Variants in MAML2 observed in about 807,000 individuals in gnomAD.
MAML2 encodes mastermind like transcriptional coactivator 2.
Under a neutral mutation model 96.1 loss-of-function variants are expected in MAML2, and 22 were observed. The ratio of observed to expected loss-of-function variants is 0.23; its 90% CI spans 0.16 to 0.33. MAML2 has a LOEUF of 0.33. Ranked by LOEUF, MAML2 falls within the 10% of genes least tolerant of loss-of-function variation. The pLI is 1.00. For missense variants in MAML2, 1,367 were observed against 1,392.4 expected, an observed-to-expected ratio of 0.98 and a Z score of 0.29; for synonymous variants, 561 against 521.3, an observed-to-expected ratio of 1.08 and a Z score of -1.04.
chr11:96,154,372 T>C (rs1860977325), intron 1 of MAML2, among the ~76,000 whole-genome samples: 2 of 152,166 alleles, frequency 1.3e-5, no homozygotes, highest in Non-Finnish European at 2.9e-5. Flanking sequence ...GCACATACAC[T>C]TACTCCAAAT....
At chr11:96,082,928 G>A (rs1390600705) in intron 2 of MAML2, among the ~76,000 whole-genome samples, 1 of 152,154 alleles carries the variant, frequency 6.6e-6, no homozygotes, top group African/African-American at 2.4e-5. Flanking sequence ...GCTCAAAGGG[G>A]TACAAGAGTT....
intron 1 of MAML2, among the ~76,000 whole-genome samples, chr11:96,295,800 C>T (rs911899808): frequency 1.9e-4 from 29 of 150,454 alleles, no homozygotes; most frequent in African/African-American, 6.9e-4. Flanking sequence ...AAGTAGCTTC[C>T]ATATTCATAT....
chr11:96,085,977 G>A (rs1233558301), intron 2 of MAML2, among the ~76,000 whole-genome samples: 1 of 152,132 alleles, frequency 6.6e-6, no homozygotes, highest in Admixed American at 6.5e-5. Context: ...TCTGTGAAAG[G>A]TTAAAAAACA....
intron 1 of MAML2, among the ~76,000 whole-genome samples, chr11:96,183,279 T>C (rs938557383): frequency 6.6e-6 from 1 of 152,056 alleles, no homozygotes; most frequent in Non-Finnish European, 1.5e-5. Context: ...TGTCTATACA[T>C]GTTCTATATT....
chr11:96,051,739 C>T (rs138412509), intron 2 of MAML2, among the ~76,000 whole-genome samples: 5 of 152,306 alleles, frequency 3.3e-5, no homozygotes, highest in African/African-American at 1.2e-4. Context: ...AACAAGCAAC[C>T]ATTCAGGAGG....
chr11:96,036,883 T>G (rs1010731), intron 2 of MAML2, among the ~76,000 whole-genome samples: 14,376 of 152,248 alleles, frequency 0.094, 969 homozygotes, highest in East Asian at 0.26. Flanking sequence ...AAAACACCAG[T>G]GGGTTTTCTC....
intron 2 of MAML2, among the ~76,000 whole-genome samples, chr11:96,064,378 G>A (rs1859213823): frequency 6.6e-6 from 1 of 152,142 alleles, no homozygotes; most frequent in Non-Finnish European, 1.5e-5. Flanking sequence ...TAGACAAGAG[G>A]ACTTCTAATG....
At chr11:96,133,231 T>C (rs1471290714) in intron 1 of MAML2, among the ~76,000 whole-genome samples, 1 of 152,228 alleles carries the variant, frequency 6.6e-6, no homozygotes, top group Non-Finnish European at 1.5e-5. Flanking sequence ...ATTCTATTAA[T>C]ATAAAATAAA....
chr11:96,129,723 T>C (rs1213116783), intron 1 of MAML2, among the ~76,000 whole-genome samples: 1 of 152,160 alleles, frequency 6.6e-6, no homozygotes, highest in Non-Finnish European at 1.5e-5. Flanking sequence ...GATCCCAACA[T>C]CCAGATAGTG....
At chr11:96,137,712 G>GA (rs1307844403) in intron 1 of MAML2, among the ~76,000 whole-genome samples, 3 of 152,308 alleles carry the variant, frequency 2.0e-5, no homozygotes, top group Non-Finnish European at 4.4e-5. Context: ...GGAGACAGAA[G>GA]AAACTGTGGG....
At chr11:96,118,313 C>G (rs2155229) in intron 1 of MAML2, among the ~76,000 whole-genome samples, 110,130 of 152,112 alleles carry the variant, frequency 0.72, 40,137 homozygotes, top group East Asian at 0.98. Flanking sequence ...TTGTAATCCC[C>G]ATGGTGATTG....
At chr11:96,271,450 A>T (rs79406470) in intron 1 of MAML2, among the ~76,000 whole-genome samples, 1 of 152,166 alleles carries the variant, frequency 6.6e-6, no homozygotes, top group Admixed American at 6.5e-5. Flanking sequence ...CCCAAATCTC[A>T]TCTTGAATTG....
At chr11:96,268,760 TCCC>T (rs1491452129) in intron 1 of MAML2, among the ~76,000 whole-genome samples, 3 of 146,146 alleles carry the variant, frequency 2.1e-5, no homozygotes, top group African/African-American at 5.2e-5. Flanking sequence ...AAAGGGGAGT[TCCC>T]CTGCACACGA....
chr11:96,333,522 C>G (rs1863879621), intron 1 of MAML2, among the ~76,000 whole-genome samples: 1 of 152,200 alleles, frequency 6.6e-6, no homozygotes, highest in Admixed American at 6.5e-5. Context: ...ATCAATAAAA[C>G]TTGCTTTGAA....
intron 2 of MAML2, among the ~76,000 whole-genome samples, chr11:96,066,581 G>C (rs1373272468): frequency 6.6e-6 from 1 of 152,218 alleles, no homozygotes; most frequent in Non-Finnish European, 1.5e-5. Flanking sequence ...CCTAAAGTGA[G>C]ACCAGAGTCC....
At chr11:96,268,090 T>C (rs917221519) in intron 1 of MAML2, among the ~76,000 whole-genome samples, 1 of 152,242 alleles carries the variant, frequency 6.6e-6, no homozygotes, top group Non-Finnish European at 1.5e-5. Context: ...TATGATTTCA[T>C]TTTATTATGA....
At chr11:96,046,632 G>A (rs1427046502) in intron 2 of MAML2, among the ~76,000 whole-genome samples, 1 of 152,288 alleles carries the variant, frequency 6.6e-6, no homozygotes, top group East Asian at 1.9e-4. Flanking sequence ...ACATCAGAAG[G>A]CCCTGAGGAG....
intron 2 of MAML2, among the ~76,000 whole-genome samples, chr11:96,034,313 C>T (rs1858664706): frequency 6.6e-6 from 1 of 151,998 alleles, no homozygotes; most frequent in African/African-American, 2.4e-5. Flanking sequence ...ACAACCAATC[C>T]AGGAAGCACA....
chr11:96,166,984 G>A (rs137899363), intron 1 of MAML2, among the ~76,000 whole-genome samples: 1 of 152,236 alleles, frequency 6.6e-6, no homozygotes, highest in Non-Finnish European at 1.5e-5. Flanking sequence ...TGATGCTGAT[G>A]ATACCAAACA....
Sources: gnomAD v4.1 joint callset for allele counts (sites outside exome capture counted in the v4.1 genomes callset) on GRCh38, gnomAD v4.1.1 for gene constraint, MANE v1.5 for transcripts, NCBI Gene and HGNC (gene_info 2026-07-23, HGNC 2026-07-21) for gene names.